The following ZNHIT3 variants were observed in gnomAD, a reference collection of about 807,000 sequenced individuals.
The protein encoded by ZNHIT3 is zinc finger HIT-type containing 3, also known as zinc finger HIT domain-containing protein 3.
Under a neutral mutation model 19.9 loss-of-function variants are expected in ZNHIT3, and 27 were observed. The observed-to-expected ratio is 1.36, with a 90% CI of 1.00 to 1.87. The LOEUF (loss-of-function observed/expected upper bound fraction) is 1.87, where lower values mean the gene tolerates loss of function less well. ZNHIT3 is among the 40% of genes most tolerant of loss of function. The pLI, the probability that ZNHIT3 is intolerant of heterozygous loss-of-function variation, is 0.00. For synonymous variants in ZNHIT3, 81 were observed against 65.7 expected, an observed-to-expected ratio of 1.23 and a Z score of -1.13; for missense variants, 215 against 185.6, an observed-to-expected ratio of 1.16 and a Z score of -0.92.
downstream of ZNHIT3, chr17:36,498,384 A>C (rs773031246): frequency 6.2e-7 from 1 of 1,613,958 alleles, no homozygotes. Context: ...TTTCCTCTGA[A>C]AGCTGCCTAC....
intron 2 of ZNHIT3, chr17:36,491,077 G>A (rs1326107528): frequency 6.6e-6 from 1 of 152,120 alleles, no homozygotes; most frequent in Non-Finnish European, 1.5e-5. Flanking sequence ...TTCCACCTTG[G>A]CCTCCCAAAG....
chr17:36,497,296 C>A (rs1329970041), downstream of ZNHIT3, among the ~76,000 whole-genome samples: 3 of 151,306 alleles, frequency 2.0e-5, no homozygotes, highest in Admixed American at 6.6e-5. Flanking sequence ...GAGTGAGACT[C>A]CGTCTCAAAA....
At chr17:36,487,622 C>T (rs548575309) in intron 2 of ZNHIT3, among the ~76,000 whole-genome samples, 6 of 151,398 alleles carry the variant, frequency 4.0e-5, no homozygotes, top group African/African-American at 1.2e-4. Flanking sequence ...GGTGAAACTC[C>T]GTCTCTACTA....
At chr17:36,495,132 T>C (rs2070863125) in intron 4 of ZNHIT3, 91 bp from the exon 5 acceptor site, 5 of 1,463,598 alleles carry the variant, frequency 3.4e-6, no homozygotes, top group Non-Finnish European at 4.6e-6. Context: ...GCTGATAGTT[T>C]TATTACACTT....
At chr17:36,494,104 G>A (rs1289720567) in intron 4 of ZNHIT3, 98 bp downstream of exon 4, 1 of 866,112 alleles carries the variant, frequency 1.2e-6, no homozygotes, top group African/African-American at 1.7e-5. Context: ...AATAAGTATG[G>A]CATGTAGGGC....
chr17:36,496,122 TG>T, downstream of ZNHIT3: 1 of 1,302,568 alleles, frequency 7.7e-7, no homozygotes, highest in African/African-American at 1.5e-5. Context: ...GGTCGAAGGC[TG>T]GAGCCGTCAC....
chr17:36,496,895 G>T (rs957315255), downstream of ZNHIT3, among the ~76,000 whole-genome samples: 5 of 152,110 alleles, frequency 3.3e-5, no homozygotes, highest in Non-Finnish European at 5.9e-5. Context: ...TCCAGACCCT[G>T]GGGTTCTACC....
In ZNHIT3 at chr17:36,486,940, C is replaced by T. The variant is rs148890852; in HGVS notation, c.92C>T (p.Ser31Leu). 2.0e-4 allele frequency: 317 copies of T among 1,611,384 alleles called. No individual in the cohort carries two copies. The highest frequency in any genetic ancestry group is 1.9e-5 in the Non-Finnish European group (22 of 1,179,494). Residue 31 changes from serine to leucine, a missense_variant, in exon 2 of 5, where the codon TCG becomes TTG. By Grantham distance (145) the Ser-to-Leu change is moderately radical (BLOSUM62 -2). Coordinates refer to ENST00000617429, the MANE Select transcript of ZNHIT3 (RefSeq NM_004773.4). ...RCPACRVPYC[S>L]VVCFRKHKEQ... ...TGTGGCCTCTGTTGTTACAGCTGCT[C>T]GGTAGTCTGCTTCCGGAAGCACAAA...
In ZNHIT3 at chr17:36,494,005, A is replaced by G. The variant is rs2070796087; in HGVS notation, c.285A>G (p.Leu95=). 1 of 1,609,298 alleles carries G rather than the reference A, an allele frequency of 6.2e-7. No homozygotes were observed. Among genetic ancestry groups the G allele is most frequent in the Non-Finnish European group, 8.5e-7 (1 of 1,175,782 alleles). Residue 95 remains leucine, a splice_region_variant and synonymous_variant, in exon 4 of 5, where the codon TTA becomes TTG. Transcript: ENST00000617429. ...TTTCTTTGCAGAATTTAAAGAATTT[A>G]GGTAAGTCTGTGCTATGCTTGTCAA... ...DRVSLQNLKN[L]GESATLRSLL...
Position 36,492,815 on chromosome 17 carries a change from C to G in ZNHIT3, c.121C>G (p.Gln41Glu). 6.2e-7 allele frequency: 1 copy of G among 1,613,556 alleles called. No individual in the cohort carries two copies. Among genetic ancestry groups the G allele is most frequent in the South Asian group, 1.1e-5 (1 of 91,012 alleles). Reference protein sequence around the residue: ...SVVCFRKHKEQCNPETRPVEK... With the variant: ...SVVCFRKHKEECNPETRPVEK... ...CCTGGGATTTGTGTCTTTTTCAGAA[C>G]AGTGCAACCCTGAAACTCGTCCTGT... The change falls in exon 3 of 5, where the codon CAG becomes GAG. Residue 41 changes from glutamine (Q) to glutamate (E), a missense_variant and splice_region_variant. Gln to Glu is a conservative substitution (Grantham distance 29). Coordinates refer to ENST00000617429, the MANE Select transcript of ZNHIT3 (RefSeq NM_004773.4).
chr17:36,498,527 C>T (rs751174193), downstream of ZNHIT3: 1 of 1,613,546 alleles, frequency 6.2e-7, no homozygotes, highest in South Asian at 1.1e-5. Context: ...CCACACCATC[C>T]AGCTCTTTAG....
chr17:36,493,020 T>C (rs1248817187), intron 3 of ZNHIT3, 121 bp downstream of exon 3: 22 of 919,278 alleles, frequency 2.4e-5, no homozygotes, highest in Non-Finnish European at 3.3e-5. Flanking sequence ...AAGGAACAGC[T>C]TCCTTAGCCT....
intron 4 of ZNHIT3, 23 bp from the exon 5 acceptor site, chr17:36,495,200 C>A (rs1485948388): frequency 4.5e-6 from 7 of 1,547,490 alleles, no homozygotes; most frequent in Non-Finnish European, 6.1e-6. Context: ...CTCAGACTGG[C>A]TTTTTTTCTT....
intron 2 of ZNHIT3, among the ~76,000 whole-genome samples, chr17:36,488,896 G>T (rs1338298277): frequency 6.6e-6 from 1 of 152,198 alleles, no homozygotes; most frequent in Non-Finnish European, 1.5e-5. Context: ...CTAAGGTACT[G>T]TGTAACACTA....
downstream of ZNHIT3, chr17:36,495,828 G>A: frequency 8.1e-7 from 1 of 1,241,398 alleles, no homozygotes; most frequent in Non-Finnish European, 1.0e-6. Context: ...CTAAAGTTTT[G>A]TTCCTTTTTA....
intron 2 of ZNHIT3, among the ~76,000 whole-genome samples, chr17:36,488,618 G>A (rs539928207): frequency 6.6e-6 from 1 of 152,254 alleles, no homozygotes; most frequent in East Asian, 1.9e-4. Flanking sequence ...AGGACTGTAT[G>A]TTATTTCATT....
intron 2 of ZNHIT3, 136 bp downstream of exon 2, chr17:36,487,102 T>G: frequency 3.3e-6 from 4 of 1,199,332 alleles, no homozygotes; most frequent in Non-Finnish European, 4.6e-6. Context: ...TGCAGGAACC[T>G]TGCTTCCTCT....
At chr17:36,498,353 G>A (rs370506869), downstream of ZNHIT3, 30 of 1,613,912 alleles carry the variant, frequency 1.9e-5, no homozygotes, top group Middle Eastern at 4.9e-4. Flanking sequence ...TGGGGAGCTG[G>A]AGGCAAGCCC....
downstream of ZNHIT3, chr17:36,498,155 G>T (rs569012406): frequency 6.0e-5 from 75 of 1,246,242 alleles, no homozygotes; most frequent in African/African-American, 1.0e-3. Flanking sequence ...ACCCAGTAGG[G>T]TTAGGGATGG....
Sources: gnomAD v4.1 joint callset for allele counts (sites outside exome capture counted in the v4.1 genomes callset) on GRCh38, gnomAD v4.1.1 for gene constraint, MANE v1.5 for transcripts, NCBI Gene and HGNC (gene_info 2026-07-23, HGNC 2026-07-21) for gene names.